Variants in ZPLD1 observed in about 807,000 individuals in gnomAD.
ZPLD1 encodes the protein zona pellucida like domain containing 1, also known as zona pellucida-like domain-containing protein 1.
ZPLD1 carries 34 observed loss-of-function variants against 47.2 expected under a neutral mutation model. The observed-to-expected ratio is 0.72, with a 90% CI of 0.55 to 0.96. The LOEUF (loss-of-function observed/expected upper bound fraction) is 0.96, where lower values mean the gene tolerates loss of function less well. Ranked by LOEUF, ZPLD1 falls within the 40% of genes least tolerant of loss-of-function variation. ZPLD1 has a pLI of 0.00. For missense variants in ZPLD1, 512 were observed against 505.8 expected, an observed-to-expected ratio of 1.01 and a Z score of -0.12; for synonymous variants, 176 against 186.2, an observed-to-expected ratio of 0.95 and a Z score of 0.45.
At chr3:102,473,762 T>TGCAA (rs1707718723) in intron 10 of ZPLD1, among the ~76,000 whole-genome samples, 1 of 152,214 alleles carries the variant, frequency 6.6e-6, no homozygotes, top group Non-Finnish European at 1.5e-5. Context: ...ACTCAAGCCA[T>TGCAA]ATCCATCCAC....
chr3:102,393,367 T>C (rs1165918957), intron 7 of ZPLD1, among the ~76,000 whole-genome samples: 1 of 152,134 alleles, frequency 6.6e-6, no homozygotes, highest in Non-Finnish European at 1.5e-5. Flanking sequence ...CGTTCTTCCA[T>C]TAAACAGATT....
At chr3:102,439,721 T>G (rs1207822089) in intron 3 of ZPLD1, among the ~76,000 whole-genome samples, 2 of 152,188 alleles carry the variant, frequency 1.3e-5, no homozygotes, top group East Asian at 3.9e-4. Flanking sequence ...TCTGGCATAT[T>G]TAAAATAAAT....
At chr3:102,438,335 T>C in intron 2 of ZPLD1, 145 bp from the exon 3 acceptor site, 1 of 582,242 alleles carries the variant, frequency 1.7e-6, no homozygotes, top group South Asian at 2.3e-5. Flanking sequence ...TTACTACCGA[T>C]AATCCTCAGT....
At chr3:102,474,344 C>A (rs1303494102) in intron 10 of ZPLD1, among the ~76,000 whole-genome samples, 1 of 152,056 alleles carries the variant, frequency 6.6e-6, no homozygotes, top group African/African-American at 2.4e-5. Flanking sequence ...TATTCTTGTT[C>A]GATTAGAATT....
chr3:102,389,270 G>A (rs1274729008), intron 6 of ZPLD1, among the ~76,000 whole-genome samples: 1 of 152,070 alleles, frequency 6.6e-6, no homozygotes, highest in Non-Finnish European at 1.5e-5. Flanking sequence ...AATTTTCAGA[G>A]GCAAAAAAGA....
Position 102,453,031 on chromosome 3 carries a change from G to A in ZPLD1, c.219G>A (p.Arg73=), listed in dbSNP as rs1707361978. ...YSETDLALNG[R]HGDSHCRGFI... is the part of the protein sequence containing the mutation. ...AAACAGATCTGGCACTGAATGGAAG[G>A]CATGGGGACTCCCACTGCAGAGGGT... Residue 73 remains arginine, a synonymous_variant, in exon 4 of 12, where the codon AGG becomes AGA. Coordinates refer to ENST00000466937, the MANE Select transcript of ZPLD1 (RefSeq NM_001329788.2). The A allele has an allele frequency of 1.2e-6, 2 of 1,614,016 alleles. 1 individual carries two copies. The highest frequency in any genetic ancestry group is 2.2e-5 in the South Asian group (2 of 91,090).
At chr3:102,397,546 G>A (rs969550977) in intron 7 of ZPLD1, among the ~76,000 whole-genome samples, 1 of 152,010 alleles carries the variant, frequency 6.6e-6, no homozygotes, top group Admixed American at 6.6e-5. Flanking sequence ...GGAGAACTCT[G>A]ATGAAGCATT....
chr3:102,419,246 C>A (rs1706846924), intron 8 of ZPLD1, among the ~76,000 whole-genome samples: 1 of 151,872 alleles, frequency 6.6e-6, no homozygotes, highest in Non-Finnish European at 1.5e-5. Context: ...CAGTCACTAG[C>A]TTTCTCTCAT....
Position 102,438,585 on chromosome 3 carries a change from G to T in ZPLD1, c.98G>T (p.Arg33Ile). 1.9e-6 allele frequency: 3 copies of T among 1,612,052 alleles called. No homozygotes were observed. Among genetic ancestry groups the T allele is most frequent in the Non-Finnish European group, 2.5e-6 (3 of 1,178,154 alleles). Reference protein sequence around the residue: ...GYNCDANLHSRFPAERDISVY... With the variant: ...GYNCDANLHSIFPAERDISVY... ...AACTGTGATGCCAACCTCCACAGTA[G>T]ATTTCCTGGTAAGTGTAAGCCTAAT... Residue 33 changes from arginine to isoleucine, a missense_variant, in exon 3 of 12, where the codon AGA (arginine) becomes ATA (isoleucine). Coordinates refer to ENST00000466937, the MANE Select transcript of ZPLD1 (RefSeq NM_001329788.2).
chr3:102,469,017 G>T lies in ZPLD1; in HGVS notation c.815G>T (p.Gly272Val), dbSNP rs1199812368. The T allele has an allele frequency of 1.2e-6, 2 of 1,614,108 alleles. No individual in the cohort carries two copies. The highest frequency in any genetic ancestry group is 2.2e-5 in the South Asian group (2 of 91,068). The change falls in exon 9 of 12, where the codon GGC becomes GTC. Residue 272 changes from glycine (G) to valine (V), a missense_variant. Physicochemically the swap from Gly to Val is moderately radical, Grantham distance 109. Coordinates refer to ENST00000466937, the MANE Select transcript of ZPLD1 (RefSeq NM_001329788.2). ...ATTGAGAATGGCCGAAGCCAGCGGG[G>T]CCGGTTTTCTTTTGAAGTGTTCCGA... Reference protein sequence around the residue: ...TVIENGRSQRGRFSFEVFRFV... With the variant: ...TVIENGRSQRVRFSFEVFRFV...
upstream of ZPLD1, among the ~76,000 whole-genome samples, chr3:102,434,381 T>C (rs1204748990): frequency 2.0e-5 from 3 of 152,218 alleles, no homozygotes; most frequent in African/African-American, 7.2e-5. Flanking sequence ...ATTAGAGATT[T>C]ATATGTTGGA....
intron 8 of ZPLD1, among the ~76,000 whole-genome samples, chr3:102,422,614 G>A (rs1706894070): frequency 6.6e-6 from 1 of 152,024 alleles, no homozygotes; most frequent in African/African-American, 2.4e-5. Context: ...AGCATGGGAA[G>A]GTTTTTGAAA....
chr3:102,419,079 A>G (rs1159506112), intron 8 of ZPLD1, among the ~76,000 whole-genome samples: 1 of 152,062 alleles, frequency 6.6e-6, no homozygotes, highest in Non-Finnish European at 1.5e-5. Context: ...TTGGATTCTT[A>G]TAATTCACTT....
In ZPLD1 at chr3:102,464,229, A is replaced by G; in HGVS notation, c.739A>G (p.Ile247Val). The G allele has an allele frequency of 3.1e-6, 5 of 1,612,494 alleles. No individual in the cohort carries two copies. Among genetic ancestry groups the G allele is most frequent in the Non-Finnish European group, 4.2e-6 (5 of 1,178,646 alleles). The part of the protein sequence containing the change: ...TTPSGNPNDD[I>V]RYDLFLSCDK... ...CCCATCAGGAAACCCAAATGATGACATTCGATATGATCTTTTCCTTAGGTA... is the reference window on the plus strand; with the variant it reads ...CCCATCAGGAAACCCAAATGATGACGTTCGATATGATCTTTTCCTTAGGTA... The change falls in exon 8 of 12, where the codon ATT (isoleucine) becomes GTT (valine). Residue 247 changes from isoleucine to valine, a missense_variant. Ile to Val is a conservative substitution (Grantham distance 29, BLOSUM62 3). Coordinates refer to ENST00000466937, the MANE Select transcript of ZPLD1 (RefSeq NM_001329788.2).
chr3:102,408,710 A>G (rs974952763), intron 7 of ZPLD1, among the ~76,000 whole-genome samples: 1 of 151,882 alleles, frequency 6.6e-6, no homozygotes, highest in South Asian at 2.1e-4. Flanking sequence ...GTGAGTTGCT[A>G]TTAAAAACAC....
intron 8 of ZPLD1, among the ~76,000 whole-genome samples, chr3:102,424,721 T>C (rs1369368699): frequency 1.3e-5 from 2 of 152,170 alleles, no homozygotes; most frequent in African/African-American, 4.8e-5. Context: ...TATAAATGCA[T>C]ACAAAACACA....
chr3:102,426,121 C>G (rs1246922478), intron 8 of ZPLD1, among the ~76,000 whole-genome samples: 1 of 142,790 alleles, frequency 7.0e-6, no homozygotes, highest in Non-Finnish European at 1.5e-5. Flanking sequence ...TACACACACA[C>G]ACACACACAT....
At chr3:102,427,413 A>C (rs1405999465) in intron 8 of ZPLD1, among the ~76,000 whole-genome samples, 1 of 152,138 alleles carries the variant, frequency 6.6e-6, no homozygotes, top group African/African-American at 2.4e-5. Flanking sequence ...GGTAGATATG[A>C]GGGTTTTGGG....
At position 102,387,960 on chromosome 3, in the gene ZPLD1, A is replaced by G. The variant is rs1204095664; in HGVS notation, c.-213+2643A>G. Among the ~76,000 whole-genome samples the G allele has an allele frequency of 4.8e-5, 7 of 144,934 alleles. No homozygotes were observed. The East Asian group carries it at 1.2e-3, about 25-fold the overall frequency. ...ACTGCAAGCTCCGCCTCCTGGGCTC[A>G]CGCCATTCTCCTGCCTCAGCCTCCC... On this transcript the variant is annotated intron_variant, in intron 6 of 17. Coordinates refer to the ZPLD1 transcript ENST00000491959.
Sources: allele counts gnomAD v4.1 joint callset (sites outside exome capture counted in the v4.1 genomes callset), GRCh38; gene constraint gnomAD v4.1.1; transcripts MANE v1.5; gene names NCBI Gene and HGNC (gene_info 2026-07-23, HGNC 2026-07-21).